The following DENND3 variants were observed in gnomAD, a reference collection of about 807,000 sequenced individuals.
DENND3 encodes the protein DENN domain containing 3, also known as DENN domain-containing protein 3.
Under a neutral mutation model 135.1 loss-of-function variants are expected in DENND3, and 88 were observed. That is an observed-to-expected ratio of 0.65 (90% CI 0.55 to 0.78). DENND3 has a LOEUF of 0.78. DENND3 is among the 30% of genes least tolerant of loss of function. The pLI is 0.00. For synonymous variants in DENND3, 693 were observed against 712.3 expected (o/e 0.97, Z 0.43); for missense variants, 1,392 against 1,688.4 (o/e 0.82, Z 3.08).
At chr8:141,188,904 G>A in intron 18 of DENND3, 82 bp from the exon 19 acceptor site, 1 of 1,515,468 alleles carries the variant, frequency 6.6e-7, no homozygotes, top group African/African-American at 1.4e-5. Context: ...CGCTAATTCA[G>A]CACGTGCAGT....
rs778756693 is a variant in DENND3 at position 141,150,816 on chromosome 8, G to A, written c.736-18G>A. 16 of 1,581,556 alleles carry A rather than the reference G, an allele frequency of 1.0e-5. No individual in the cohort carries two copies. Among genetic ancestry groups the A allele is most frequent in the Admixed American group, 3.8e-5 (2 of 53,122 alleles). ...CGGAGCAGCTCTCTGAACTAATGAC[G>A]GGAACTGGTTGTCGTAGGTATTTAA... On this transcript the variant is annotated intron_variant, in intron 5 of 22. Coordinates refer to ENST00000519811, the MANE Select transcript of DENND3 (RefSeq NM_001352890.3).
Position 141,194,410 on chromosome 8 carries a change from G to A in DENND3, c.*177G>A. ...CCCATGGCCACGCACCTTCTCTCAGGCCTTCGGGCCCCCTGGTTAAACTGC... is the reference window on the plus strand; with the variant it reads ...CCCATGGCCACGCACCTTCTCTCAGACCTTCGGGCCCCCTGGTTAAACTGC... On this transcript the variant is annotated 3_prime_UTR_variant, in exon 23 of 23. Transcript: ENST00000519811. 1.5e-6 allele frequency: 1 copy of A among 686,770 alleles called. No homozygotes were observed. The highest frequency in any genetic ancestry group is 1.9e-5 in the South Asian group (1 of 52,976). 42.5% of individuals were successfully genotyped at this position (686,770 alleles called of 1,614,324 possible).
rs778964287 is a variant in DENND3, at chr8:141,190,430, C to T, written c.3379+13C>T. ...CGCCTGTGGTGCTGTAAGTCCGGCC[C>T]CTGCCATCAGAGCGGGCACCCTACC... is the stretch of plus-strand genomic sequence containing the variant. On this transcript the variant is annotated intron_variant, in intron 20 of 22. Transcript: ENST00000519811. The T allele has an allele frequency of 6.2e-7, 1 of 1,600,780 alleles. No individual in the cohort carries two copies. The highest frequency in any genetic ancestry group is 1.3e-5 in the African/African-American group (1 of 74,866).
intron 7 of DENND3, among the ~76,000 whole-genome samples, chr8:141,155,375 G>A (rs1819313486): frequency 6.6e-6 from 1 of 152,050 alleles, no homozygotes; most frequent in South Asian, 2.1e-4. Flanking sequence ...TAGAAAATAT[G>A]AGGCTATGTG....
chr8:141,134,917 G>A (rs976670313), intron 1 of DENND3, among the ~76,000 whole-genome samples: 1 of 149,672 alleles, frequency 6.7e-6, no homozygotes, highest in Non-Finnish European at 1.5e-5. Context: ...TGCAAGCTCC[G>A]CCTCCTGGGT....
chr8:141,172,994 G>A (rs1188209756), intron 13 of DENND3, among the ~76,000 whole-genome samples: 1 of 150,122 alleles, frequency 6.7e-6, no homozygotes, highest in Non-Finnish European at 1.5e-5. Context: ...GGGAAGTGTA[G>A]GCTGAGGCAC....
At chr8:141,170,058 G>A (rs1037348771) in intron 13 of DENND3, among the ~76,000 whole-genome samples, 4 of 152,234 alleles carry the variant, frequency 2.6e-5, no homozygotes, top group Admixed American at 1.3e-4. Context: ...CCTCAGTCTC[G>A]ACTCTCGCCC....
intron 16 of DENND3, among the ~76,000 whole-genome samples, chr8:141,179,391 C>T (rs190098230): frequency 1.7e-3 from 258 of 152,362 alleles, no homozygotes; most frequent in African/African-American, 6.2e-3. Context: ...CGGGCGTTTA[C>T]AGGAAAGCCT....
intron 18 of DENND3, among the ~76,000 whole-genome samples, chr8:141,186,304 C>T (rs1569556898): frequency 6.6e-6 from 1 of 152,124 alleles, no homozygotes; most frequent in Non-Finnish European, 1.5e-5. Context: ...AGACAGCTGC[C>T]TCTGCAGTGA....
rs2154613633 is a variant in DENND3, at chr8:141,194,655, T to TA, written c.*423dup. On this transcript the variant is annotated 3_prime_UTR_variant, in exon 23 of 23. Coordinates refer to ENST00000519811, the MANE Select transcript of DENND3 (RefSeq NM_001352890.3). ...TTCATTCATTCACTCACCCAGTCCTTACGAATCACCGAGGAACACTGGGCT... is the reference window on the plus strand; with the variant it reads ...TTCATTCATTCACTCACCCAGTCCTTAACGAATCACCGAGGAACACTGGGCT... The TA allele has an allele frequency of 5.1e-6, 1 of 197,446 alleles. No individual in the cohort carries two copies. The highest frequency in any genetic ancestry group is 1.2e-4 in the East Asian group (1 of 8,404). 12.2% of individuals were successfully genotyped at this position (197,446 alleles called of 1,614,324 possible).
chr8:141,144,047 T>C lies in DENND3; in HGVS notation c.624-101T>C, dbSNP rs925755246. 2 of 1,008,374 alleles carry C rather than the reference T, an allele frequency of 2.0e-6. No individual in the cohort carries two copies. Among genetic ancestry groups the C allele is most frequent in the Non-Finnish European group, 2.9e-6 (2 of 691,396 alleles). The allele number at this position is 1,008,374 out of a possible 1,614,324, so 62.5% of individuals were successfully genotyped here. A position where few individuals can be genotyped will look rare whatever the true frequency, so the allele number is the denominator to read the frequency against. ...TGGTGAAAGGTCCTGGAGCTGCTGCTGCAGACGCTGGGGAGATTCCAGTGT... is the reference window on the plus strand; with the variant it reads ...TGGTGAAAGGTCCTGGAGCTGCTGCCGCAGACGCTGGGGAGATTCCAGTGT... On this transcript the variant is annotated intron_variant, in intron 4 of 22. Transcript: ENST00000519811. The surrounding 1 kb of genome is among the most constrained non-coding windows in gnomAD (Gnocchi z 4.4).
chr8:141,182,583 G>T lies in DENND3; in HGVS notation c.2944+1729G>T. On this transcript the variant is annotated intron_variant, in intron 17 of 22. Coordinates refer to ENST00000519811, the MANE Select transcript of DENND3 (RefSeq NM_001352890.3). This position sits in a 1 kb window ranked among gnomAD's most constrained non-coding sequence, Gnocchi z 5.9. ...AGTTCAGGCGGCTTCCCCTCCAGGA[G>T]CATCTCGAAGGCCTGCAGAGAGCGT... 1.3e-6 allele frequency: 1 copy of T among 746,956 alleles called. No homozygotes were observed. Among genetic ancestry groups the T allele is most frequent in the African/African-American group, 1.9e-5 (1 of 51,962 alleles). The allele number at this position is 746,956 out of a possible 1,614,324, so 46.3% of individuals were successfully genotyped here. A position where few individuals can be genotyped will look rare whatever the true frequency, so the allele number is the denominator to read the frequency against.
In DENND3 at chr8:141,166,274, C is replaced by G. The variant is rs143357568; in HGVS notation, c.1638C>G (p.His546Gln). Residue 546 changes from histidine (H) to glutamine (Q), a missense_variant, in exon 12 of 23, where the codon CAC becomes CAG. His to Gln is a conservative substitution (Grantham distance 24, BLOSUM62 0). Transcript: ENST00000519811. The surrounding 1 kb of genome is among the most constrained non-coding windows in gnomAD (Gnocchi z 4.3). ...SRKSSHLHVT[H>Q]RRMVVSMPNL... ...AGTCCTCGCACCTGCATGTCACCCA[C>G]AGGCGCATGGTGGTCAGCATGCCCA... 1.3e-3 allele frequency: 2,141 copies of G among 1,614,156 alleles called. 22 individuals carry two copies. The South Asian group carries it at 0.018, about 13-fold the overall frequency.
Position 141,175,691 on chromosome 8 carries a change from G to A in DENND3, c.2535+232G>A, listed in dbSNP as rs760035010. ...TTTGCATATGGAGCATGCTTAGAATGGTAACTGATTCTCTGTCACAGCTGA... is the reference window on the plus strand; with the variant it reads ...TTTGCATATGGAGCATGCTTAGAATAGTAACTGATTCTCTGTCACAGCTGA... On this transcript the variant is annotated intron_variant, in intron 14 of 22. Transcript: ENST00000519811. This position sits in a 1 kb window ranked among gnomAD's most constrained non-coding sequence, Gnocchi z 5.4. 1.7e-6 allele frequency: 1 copy of A among 593,780 alleles called. No individual in the cohort carries two copies. Among genetic ancestry groups the A allele is most frequent in the Non-Finnish European group, 3.0e-6 (1 of 337,996 alleles). 36.8% of individuals were successfully genotyped at this position (593,780 alleles called of 1,614,324 possible). A position where few individuals can be genotyped will look rare whatever the true frequency, so the allele number is the denominator to read the frequency against.
rs768288809 is a variant in DENND3, at chr8:141,166,407, C to T, written c.1753+18C>T. ...CAGCGCAGGTGAGGGCTGCCCCCCA[C>T]TGTGGTGCTGTGTGTCGGTCCCACC... On this transcript the variant is annotated intron_variant, in intron 12 of 22. Transcript: ENST00000519811. This position sits in a 1 kb window ranked among gnomAD's most constrained non-coding sequence, Gnocchi z 4.3. The T allele has an allele frequency of 7.5e-6, 12 of 1,603,234 alleles. No individual in the cohort carries two copies. The highest frequency in any genetic ancestry group is 1.3e-5 in the African/African-American group (1 of 74,786).
intron 18 of DENND3, among the ~76,000 whole-genome samples, chr8:141,185,833 A>AAAT (rs869189263): frequency 1.3e-4 from 19 of 151,988 alleles, no homozygotes; most frequent in East Asian, 1.2e-3. Flanking sequence ...TCAAACAGAC[A>AAAT]AATAATAATA....
intron 9 of DENND3, among the ~76,000 whole-genome samples, chr8:141,162,643 G>C (rs915380914): frequency 1.3e-5 from 2 of 152,168 alleles, no homozygotes; most frequent in African/African-American, 4.8e-5. Flanking sequence ...CGGGTACAAA[G>C]AGGTGAAGTG....
chr8:141,160,209 G>C (rs573215299), intron 8 of DENND3, among the ~76,000 whole-genome samples: 1 of 142,496 alleles, frequency 7.0e-6, no homozygotes, highest in East Asian at 2.0e-4. Flanking sequence ...ACAGAGTTTC[G>C]CTCCTGTTGC....
chr8:141,171,839 G>A (rs1425558668), intron 13 of DENND3, among the ~76,000 whole-genome samples: 1 of 150,642 alleles, frequency 6.6e-6, no homozygotes, highest in Non-Finnish European at 1.5e-5. Flanking sequence ...CACTGTGGTA[G>A]GCGTGCACAG....
Sources: gnomAD v4.1 joint callset for allele counts (sites outside exome capture counted in the v4.1 genomes callset) on GRCh38, gnomAD v4.1.1 for gene constraint, Gnocchi (gnomAD v3.1) non-coding constraint, MANE v1.5 for transcripts, NCBI Gene and HGNC (gene_info 2026-07-23, HGNC 2026-07-21) for gene names.